The following LINGO2 variants were observed in gnomAD, a reference collection of about 807,000 sequenced individuals.
LINGO2 encodes the protein leucine rich repeat and Ig domain containing 2, also known as leucine-rich repeat and immunoglobulin-like domain-containing nogo receptor-interacting protein 2.
In LINGO2, 14 loss-of-function variants were observed where a neutral mutation model predicts 30.6. The observed-to-expected ratio is 0.46, with a 90% CI of 0.30 to 0.72. The LOEUF (loss-of-function observed/expected upper bound fraction) is 0.72, where lower values mean the gene tolerates loss of function less well. LINGO2 is among the 30% of genes least tolerant of loss of function. LINGO2 has a pLI of 0.07. For missense variants in LINGO2, 729 were observed against 751.7 expected, an observed-to-expected ratio of 0.97 and a Z score of 0.35; for synonymous variants, 317 against 288.5, an observed-to-expected ratio of 1.10 and a Z score of -1.00.
At chr9:28,807,815 T>A in the LINGO2 span, among the ~76,000 whole-genome samples, 1 of 152,176 alleles carries the variant, frequency 6.6e-6, no homozygotes, top group South Asian at 2.1e-4. Context: ...TACCAATTTA[T>A]TTCTCCTCCT....
chr9:28,186,691 A>T (rs1038392167), intron 4 of LINGO2, among the ~76,000 whole-genome samples: 2 of 152,098 alleles, frequency 1.3e-5, no homozygotes, highest in African/African-American at 4.8e-5. Context: ...TAGAGAATCA[A>T]TAAAAGTGAA....
chr9:28,733,039 C>G, the LINGO2 span, among the ~76,000 whole-genome samples: 1 of 152,170 alleles, frequency 6.6e-6, no homozygotes, highest in African/African-American at 2.4e-5. Flanking sequence ...TACAAGTTTA[C>G]TTCCAGATAA....
At chr9:28,936,548 A>G in the LINGO2 span, among the ~76,000 whole-genome samples, 2 of 152,216 alleles carry the variant, frequency 1.3e-5, no homozygotes, top group African/African-American at 2.4e-5. Flanking sequence ...GTGGAGAGTC[A>G]CATGCAACCG....
At chr9:27,986,469 CAG>C (rs1200406617) in intron 5 of LINGO2, among the ~76,000 whole-genome samples, 5 of 151,808 alleles carry the variant, frequency 3.3e-5, no homozygotes, top group Non-Finnish European at 7.4e-5. Flanking sequence ...GTTATATACG[CAG>C]AGTTTGGGCA....
intron 3 of LINGO2, among the ~76,000 whole-genome samples, chr9:28,333,464 TGCATG>T (rs1171502130): frequency 6.6e-6 from 1 of 152,138 alleles, no homozygotes; most frequent in African/African-American, 2.4e-5. Context: ...TTAGGACAAC[TGCATG>T]GCAAAGTCAA....
chr9:28,016,124 T>C (rs565933215), intron 4 of LINGO2, among the ~76,000 whole-genome samples: 202 of 152,278 alleles, frequency 1.3e-3, no homozygotes, highest in Non-Finnish European at 2.6e-3. Flanking sequence ...CTGCATTTCC[T>C]GATTCCAATT....
At chr9:28,111,955 T>A (rs1045940551) in intron 4 of LINGO2, among the ~76,000 whole-genome samples, 3 of 148,660 alleles carry the variant, frequency 2.0e-5, no homozygotes, top group Non-Finnish European at 3.0e-5. Context: ...CATGTGCACA[T>A]TGTGCAGGTT....
chr9:29,000,707 T>TA, the LINGO2 span, among the ~76,000 whole-genome samples: 5 of 151,816 alleles, frequency 3.3e-5, no homozygotes, highest in Admixed American at 6.6e-5. Context: ...TTCCCACCAT[T>TA]AAAAAAAATT....
chr9:28,009,509 C>A (rs372237907), intron 5 of LINGO2, among the ~76,000 whole-genome samples: 6 of 151,946 alleles, frequency 3.9e-5, no homozygotes, highest in African/African-American at 1.4e-4. Context: ...ATATATAGAA[C>A]TTTTATGACT....
intron 5 of LINGO2, among the ~76,000 whole-genome samples, chr9:27,984,723 AGTAAG>A (rs1195795490): frequency 2.0e-5 from 3 of 151,812 alleles, no homozygotes; most frequent in Non-Finnish European, 4.4e-5. Flanking sequence ...CTAGAAGCAG[AGTAAG>A]GTAAGGAGAT....
At chr9:28,006,782 A>G (rs1822287630) in intron 5 of LINGO2, among the ~76,000 whole-genome samples, 2 of 152,150 alleles carry the variant, frequency 1.3e-5, no homozygotes, top group Admixed American at 6.5e-5. Flanking sequence ...GCATGCTAAA[A>G]TGATGTATCA....
chr9:28,659,302 T>C (rs1466877053), intron 1 of LINGO2, among the ~76,000 whole-genome samples: 1 of 151,980 alleles, frequency 6.6e-6, no homozygotes, highest in Non-Finnish European at 1.5e-5. Flanking sequence ...ATTCAAAAAA[T>C]TTAAATTAAA....
chr9:29,192,952 A>G, the LINGO2 span, among the ~76,000 whole-genome samples: 1 of 152,190 alleles, frequency 6.6e-6, no homozygotes, highest in Admixed American at 6.5e-5. Flanking sequence ...GGTATCTTAG[A>G]GGAAGGTGTA....
At chr9:28,415,128 T>C (rs1008075462) in intron 2 of LINGO2, among the ~76,000 whole-genome samples, 2 of 152,126 alleles carry the variant, frequency 1.3e-5, no homozygotes, top group African/African-American at 2.4e-5. Flanking sequence ...CCAAAATCAC[T>C]GATAATGACA....
the LINGO2 span, among the ~76,000 whole-genome samples, chr9:28,849,730 A>G: frequency 1.3e-5 from 2 of 151,798 alleles, no homozygotes; most frequent in South Asian, 4.2e-4. Context: ...AACTCTAACC[A>G]TCTCTTCCTT....
the LINGO2 span, among the ~76,000 whole-genome samples, chr9:28,868,914 A>G: frequency 6.6e-6 from 1 of 152,072 alleles, no homozygotes; most frequent in African/African-American, 2.4e-5. Context: ...TTAAGTGACT[A>G]TATACACAAT....
the LINGO2 span, among the ~76,000 whole-genome samples, chr9:28,981,702 C>T: frequency 6.6e-6 from 1 of 152,048 alleles, no homozygotes; most frequent in Non-Finnish European, 1.5e-5. Flanking sequence ...ACCACATATC[C>T]ACTGTTTCAA....
At chr9:29,079,131 A>G in the LINGO2 span, among the ~76,000 whole-genome samples, 9 of 140,580 alleles carry the variant, frequency 6.4e-5, no homozygotes, top group East Asian at 9.0e-4. Flanking sequence ...ACAGAGGACT[A>G]TCTATGTTGA....
chr9:28,797,218 C>G, the LINGO2 span, among the ~76,000 whole-genome samples: 1 of 150,476 alleles, frequency 6.6e-6, no homozygotes, highest in East Asian at 2.0e-4. Flanking sequence ...AGGAACAGTT[C>G]TTTATACTGG....
Sources: gnomAD v4.1 joint callset for allele counts (sites outside exome capture counted in the v4.1 genomes callset) on GRCh38, gnomAD v4.1.1 for gene constraint, MANE v1.5 for transcripts, NCBI Gene and HGNC (gene_info 2026-07-23, HGNC 2026-07-21) for gene names.